Variants in CSMD3 observed in about 807,000 individuals in gnomAD.
CSMD3 encodes CUB and sushi domain-containing protein 3.
CSMD3 carries 177 observed loss-of-function variants against 435.2 expected under a neutral mutation model. The ratio of observed to expected loss-of-function variants is 0.41; its 90% CI spans 0.36 to 0.46. The LOEUF is 0.46. CSMD3 is among the 20% of genes least tolerant of loss of function. The pLI is 0.34. For synonymous variants in CSMD3, 1,656 were observed against 1,520.5 expected (o/e 1.09, Z -2.07); for missense variants, 4,265 against 4,504.6 (o/e 0.95, Z 1.52).
At chr8:112,881,766 C>T (rs900823740) in intron 10 of CSMD3, among the ~76,000 whole-genome samples, 6 of 151,782 alleles carry the variant, frequency 4.0e-5, no homozygotes, top group Non-Finnish European at 8.8e-5. Context: ...AAGACCTTTA[C>T]AAAGGGAAAT....
chr8:113,374,533 T>A (rs1198116536), intron 1 of CSMD3, among the ~76,000 whole-genome samples: 2 of 152,002 alleles, frequency 1.3e-5, no homozygotes, highest in Non-Finnish European at 2.9e-5. Flanking sequence ...CACTAATATT[T>A]AATAAATGTG....
chr8:112,940,033 T>C (rs921184778), intron 9 of CSMD3, among the ~76,000 whole-genome samples: 2 of 151,986 alleles, frequency 1.3e-5, no homozygotes, highest in Non-Finnish European at 2.9e-5. Flanking sequence ...ACTAACGGTC[T>C]CTTTGTAATT....
At chr8:112,650,455 T>C in intron 18 of CSMD3, 106 bp from the exon 19 acceptor site, 2 of 930,682 alleles carry the variant, frequency 2.1e-6, no homozygotes, top group Non-Finnish European at 3.5e-6. Flanking sequence ...TTTTTACAAA[T>C]AAAGGTACTC....
chr8:113,400,923 C>A (rs1233032670), intron 1 of CSMD3, among the ~76,000 whole-genome samples: 6 of 151,622 alleles, frequency 4.0e-5, no homozygotes, highest in Non-Finnish European at 7.4e-5. Context: ...AAGTTTAATC[C>A]TACATGTTCT....
chr8:113,235,267 C>T (rs2093134927), intron 3 of CSMD3, among the ~76,000 whole-genome samples: 1 of 152,002 alleles, frequency 6.6e-6, no homozygotes, highest in South Asian at 2.1e-4. Context: ...CACTAATGTC[C>T]CTCCCTACCT....
intron 1 of CSMD3, among the ~76,000 whole-genome samples, chr8:113,339,431 C>A (rs896509011): frequency 6.6e-6 from 1 of 151,874 alleles, no homozygotes; most frequent in African/African-American, 2.4e-5. Context: ...GGCTGTATTT[C>A]AGGTTGTTAC....
intron 32 of CSMD3, among the ~76,000 whole-genome samples, chr8:112,419,594 G>T (rs911412801): frequency 1.3e-5 from 2 of 152,014 alleles, no homozygotes; most frequent in Non-Finnish European, 2.9e-5. Context: ...CATAAACTAG[G>T]TTTGCTGACT....
intron 13 of CSMD3, among the ~76,000 whole-genome samples, chr8:112,752,898 CGCGT>C (rs1012101232): frequency 1.0e-4 from 10 of 96,090 alleles, no homozygotes; most frequent in South Asian, 1.0e-3. Context: ...TATTTGTTAC[CGCGT>C]GTGTGTGTGT....
At chr8:113,270,572 A>G (rs1442637534) in intron 3 of CSMD3, among the ~76,000 whole-genome samples, 1 of 152,158 alleles carries the variant, frequency 6.6e-6, no homozygotes, top group African/African-American at 2.4e-5. Flanking sequence ...CTTGGAACCA[A>G]TCCAAATGTC....
intron 13 of CSMD3, among the ~76,000 whole-genome samples, chr8:112,772,326 G>A (rs904334758): frequency 1.3e-5 from 2 of 152,038 alleles, no homozygotes; most frequent in Admixed American, 1.3e-4. Context: ...TGATCCCTAA[G>A]ACATGTGCTG....
At chr8:113,239,324 T>A (rs991217382) in intron 3 of CSMD3, among the ~76,000 whole-genome samples, 27 of 152,098 alleles carry the variant, frequency 1.8e-4, no homozygotes. Context: ...AGTATAAATA[T>A]ATAATGTATG....
At chr8:112,647,422 C>T (rs147110056) in intron 19 of CSMD3, among the ~76,000 whole-genome samples, 74 of 152,064 alleles carry the variant, frequency 4.9e-4, no homozygotes, top group Admixed American at 9.2e-4. Context: ...CTGCCTCAGC[C>T]CCTCCACCGC....
intron 1 of CSMD3, among the ~76,000 whole-genome samples, chr8:113,434,929 ACTC>A (rs2094696526): frequency 6.6e-6 from 1 of 151,514 alleles, no homozygotes; most frequent in Admixed American, 6.6e-5. Context: ...TCACATGAAA[ACTC>A]GCACTTAAAC....
intron 11 of CSMD3, among the ~76,000 whole-genome samples, chr8:112,848,760 A>C (rs963727380): frequency 3.9e-5 from 6 of 152,092 alleles, no homozygotes; most frequent in Non-Finnish European, 8.8e-5. Context: ...GATGATCTGC[A>C]CAACAATTCA....
rs111774671 is a variant in CSMD3, at chr8:113,123,701, C to G, written c.710-24738G>C. Among the ~76,000 whole-genome samples, 833 of 152,042 alleles carry G rather than the reference C, an allele frequency of 5.5e-3. 6 individuals are homozygous for G. Among genetic ancestry groups the G allele is most frequent in the South Asian group, 0.015 (73 of 4,820 alleles). ...AAGAGAGAGCACTGTGTTGCTGAAT[C>G]CTTTGCAATGGAATGCTCTGTGTGG... On this transcript the variant is annotated intron_variant, in intron 4 of 70. Transcript: ENST00000297405.
At chr8:113,430,847 T>A (rs886633297) in intron 1 of CSMD3, among the ~76,000 whole-genome samples, 1 of 152,202 alleles carries the variant, frequency 6.6e-6, no homozygotes, top group Non-Finnish European at 1.5e-5. Flanking sequence ...CGGCAACGAA[T>A]TATCACTATA....
chr8:113,018,517 T>C (rs2086557973), intron 6 of CSMD3, among the ~76,000 whole-genome samples: 1 of 152,146 alleles, frequency 6.6e-6, no homozygotes, highest in African/African-American at 2.4e-5. Context: ...TTACAGAACA[T>C]TGTAGAAGCT....
At chr8:112,581,626 A>G (rs1830341920) in intron 23 of CSMD3, among the ~76,000 whole-genome samples, 1 of 151,706 alleles carries the variant, frequency 6.6e-6, no homozygotes, top group East Asian at 1.9e-4. Flanking sequence ...TTTCTAGAAG[A>G]AAAGAATGTT....
At chr8:113,029,965 C>T (rs2087023495) in intron 5 of CSMD3, among the ~76,000 whole-genome samples, 1 of 151,468 alleles carries the variant, frequency 6.6e-6, no homozygotes, top group Admixed American at 6.6e-5. Flanking sequence ...ATCAGTAGCT[C>T]TTCTACATGC....
Sources: gnomAD v4.1 joint callset for allele counts (sites outside exome capture counted in the v4.1 genomes callset) on GRCh38, gnomAD v4.1.1 for gene constraint, MANE v1.5 for transcripts, NCBI Gene and HGNC (gene_info 2026-07-23, HGNC 2026-07-21) for gene names.